The following UGT1A5 variants were observed in gnomAD, a reference collection of about 807,000 sequenced individuals.
UGT1A5 encodes UDP-glucuronosyltransferase 1A5.
In UGT1A5, 29 loss-of-function variants were observed where a neutral mutation model predicts 40.3. The ratio of observed to expected loss-of-function variants is 0.72; its 90% confidence interval spans 0.54 to 0.98. UGT1A5 has a LOEUF of 0.98. Ranked by LOEUF, UGT1A5 falls within the 50% of genes least tolerant of loss-of-function variation. The pLI, the probability that UGT1A5 is intolerant of heterozygous loss-of-function variation, is 0.00. For missense variants in UGT1A5, 678 were observed against 677.9 expected, an observed-to-expected ratio of 1.00 and a Z score of 0.00; for synonymous variants, 257 against 262.5, an observed-to-expected ratio of 0.98 and a Z score of 0.20.
chr2:233,724,361 G>C (rs2077237961), intron 1 of UGT1A5, among the ~76,000 whole-genome samples: 2 of 148,044 alleles, frequency 1.4e-5, no homozygotes, highest in African/African-American at 2.5e-5. Context: ...CTCCCTCCCG[G>C]ACGGGGTGGC....
At chr2:233,725,887 G>A (rs1228393532) in intron 1 of UGT1A5, among the ~76,000 whole-genome samples, 1 of 152,022 alleles carries the variant, frequency 6.6e-6, no homozygotes, top group Non-Finnish European at 1.5e-5. Context: ...TGATTTGTAG[G>A]CAGGTGGGTG....
intron 1 of UGT1A5, 82 bp downstream of exon 1, chr2:233,713,940 A>G (rs2076357605): frequency 6.2e-7 from 1 of 1,610,192 alleles, no homozygotes; most frequent in African/African-American, 1.3e-5. Context: ...GTGCTTCCAT[A>G]TCTACTTATC....
At chr2:233,758,568 A>G (rs1462095231) in intron 1 of UGT1A5, among the ~76,000 whole-genome samples, 1 of 152,230 alleles carries the variant, frequency 6.6e-6, no homozygotes, top group Non-Finnish European at 1.5e-5. Context: ...TTGGTCCTAA[A>G]AAATGAAGAG....
Position 233,713,149 on chromosome 2 carries a change from C to T in UGT1A5, c.158C>T (p.Ala53Val), listed in dbSNP as rs777655753. Residue 53 changes from alanine to valine, a missense_variant, in exon 1 of 5, where the codon GCG (alanine) becomes GTG (valine). Ala to Val is a moderately conservative substitution (Grantham distance 64). Coordinates refer to ENST00000373414, the MANE Select transcript of UGT1A5 (RefSeq NM_019078.2). Reference sequence around the variant, plus strand: ...CGGGAGGCCTTGCGGGACCTCCATGCGAGAGGCCACCAGGTGGTGGTCCTC... The same window carrying T: ...CGGGAGGCCTTGCGGGACCTCCATGTGAGAGGCCACCAGGTGGTGGTCCTC... Reference protein sequence around the residue: ...SMREALRDLHARGHQVVVLTL... With the variant: ...SMREALRDLHVRGHQVVVLTL... The T allele has an allele frequency of 3.7e-6, 6 of 1,614,056 alleles. No individual in the cohort carries two copies. Among genetic ancestry groups the T allele is most frequent in the Admixed American group, 3.3e-5 (2 of 60,008 alleles).
intron 1 of UGT1A5, among the ~76,000 whole-genome samples, chr2:233,751,671 A>C (rs1207862608): frequency 1.3e-5 from 2 of 152,074 alleles, no homozygotes; most frequent in Non-Finnish European, 2.9e-5. Context: ...GTGAGTTCTA[A>C]TGAGAGCTGA....
At chr2:233,735,547 G>A (rs571609142) in intron 1 of UGT1A5, among the ~76,000 whole-genome samples, 2 of 152,250 alleles carry the variant, frequency 1.3e-5, no homozygotes, top group South Asian at 4.1e-4. Flanking sequence ...ATTTGATCCT[G>A]TCATTATGGT....
At position 233,772,525 on chromosome 2, in the gene UGT1A5, G is replaced by T; in HGVS notation, c.1571G>T (p.Arg524Leu). The change falls in exon 5 of 5, where the codon CGA becomes CTA. Residue 524 changes from arginine (R) to leucine (L), a missense_variant. Arg to Leu is a moderately radical substitution (Grantham distance 102). Transcript: ENST00000373414. ...CGGAAATGCTTGGGGAAAAAAGGGCGAGTTAAGAAAGCCCACAAATCCAAG... is the reference window on the plus strand; with the variant it reads ...CGGAAATGCTTGGGGAAAAAAGGGCTAGTTAAGAAAGCCCACAAATCCAAG... ...GYRKCLGKKGRVKKAHKSKTH is the reference protein window; with the variant it reads ...GYRKCLGKKGLVKKAHKSKTH 6.2e-6 allele frequency: 10 copies of T among 1,614,136 alleles called. No individual in the cohort carries two copies. The highest frequency in any genetic ancestry group is 8.5e-6 in the Non-Finnish European group (10 of 1,180,024).
At chr2:233,755,333 G>T (rs878855763) in intron 1 of UGT1A5, 4 of 455,148 alleles carry the variant, frequency 8.8e-6, no homozygotes, top group Admixed American at 7.1e-5. Context: ...CAGCACCCGC[G>T]CACAGGTCAG....
rs1406341020 is a variant in UGT1A5 at position 233,713,872 on chromosome 2, C to A, written c.867+14C>A. On this transcript the variant is annotated intron_variant, in intron 1 of 4. Transcript: ENST00000373414. ...CCACTATCTCAGGTCTGTATTGGTGCCTTTATCCAATCAATGTTCCAGGCA... is the reference window on the plus strand; with the variant it reads ...CCACTATCTCAGGTCTGTATTGGTGACTTTATCCAATCAATGTTCCAGGCA... The A allele has an allele frequency of 3.1e-6, 5 of 1,613,636 alleles. No homozygotes were observed. The highest frequency in any genetic ancestry group is 1.7e-4 in the Middle Eastern group (1 of 5,844).
At chr2:233,765,606 C>G (rs4663971) in intron 1 of UGT1A5, among the ~76,000 whole-genome samples, 75,263 of 151,312 alleles carry the variant, frequency 0.5, 19,319 homozygotes, top group African/African-American at 0.62. Context: ...GGGCTTGTGG[C>G]GGGGTGAGGG....
intron 1 of UGT1A5, chr2:233,760,742 C>A (rs760143782): frequency 6.2e-7 from 1 of 1,614,166 alleles, no homozygotes; most frequent in Non-Finnish European, 8.5e-7. Flanking sequence ...CTGACGGACC[C>A]TTTCCTTCCT....
At chr2:233,720,590 G>A (rs1172062832) in intron 1 of UGT1A5, among the ~76,000 whole-genome samples, 2 of 152,014 alleles carry the variant, frequency 1.3e-5, no homozygotes, top group Non-Finnish European at 2.9e-5. Context: ...AATTTCAGAG[G>A]TGACTTTCAT....
chr2:233,724,971 C>T (rs1371769482), intron 1 of UGT1A5, among the ~76,000 whole-genome samples: 9 of 135,368 alleles, frequency 6.6e-5, no homozygotes, highest in African/African-American at 2.7e-4. Context: ...CCGAGGTTGG[C>T]GGATCACTCG....
intron 1 of UGT1A5, 98 bp from the exon 2 acceptor site, chr2:233,766,936 A>G: frequency 1.1e-5 from 18 of 1,586,086 alleles, no homozygotes; most frequent in Non-Finnish European, 1.5e-5. Context: ...GCCTTTAATC[A>G]TAGTCTTAAG....
At position 233,739,624 on chromosome 2, in the gene UGT1A5, T is replaced by A. The variant is rs572450028; in HGVS notation, c.867+25766T>A. On this transcript the variant is annotated intron_variant, in intron 1 of 4. Transcript: ENST00000373414. ...TTTGTTTTGGCCAGTTTCTCCCATT[T>A]GAAATGGGAACATTTACCCAATTTC... is the stretch of plus-strand genomic sequence containing the variant. 4.6e-5 allele frequency among the ~76,000 whole-genome samples: 7 copies of A among 152,364 alleles called. No individual in the cohort carries two copies. The East Asian group carries it at 1.2e-3, about 25-fold the overall frequency.
At chr2:233,718,944 C>A (rs553189135) in intron 1 of UGT1A5, 3 of 1,614,178 alleles carry the variant, frequency 1.9e-6, no homozygotes, top group East Asian at 2.2e-5. Context: ...CAGCCCCTGG[C>A]TCAGCATGCG....
At chr2:233,749,443 T>C (rs551988322) in intron 1 of UGT1A5, among the ~76,000 whole-genome samples, 4 of 151,902 alleles carry the variant, frequency 2.6e-5, no homozygotes, top group Non-Finnish European at 5.9e-5. Flanking sequence ...GTCATCTCAG[T>C]GGAGCAGAAC....
At chr2:233,737,335 G>C (rs558771820) in intron 1 of UGT1A5, among the ~76,000 whole-genome samples, 1 of 152,354 alleles carries the variant, frequency 6.6e-6, no homozygotes, top group African/African-American at 2.4e-5. Context: ...CAGTGAGCAA[G>C]GCTCCGTGGG....
In UGT1A5 at chr2:233,746,980, G is replaced by A. The variant is rs1162758884; in HGVS notation, c.868-20054G>A. On this transcript the variant is annotated intron_variant, in intron 1 of 4. Transcript: ENST00000373414. Reference sequence around the variant, plus strand: ...AACTTGGATGTTCCCCAGAGCGAGCGCAGGGTCAGATGAGTTTTTCAAGTA... The same window carrying A: ...AACTTGGATGTTCCCCAGAGCGAGCACAGGGTCAGATGAGTTTTTCAAGTA... Among the ~76,000 whole-genome samples, 6 of 151,766 alleles carry A rather than the reference G, an allele frequency of 4.0e-5. 1 individual carries two copies. Among genetic ancestry groups the A allele is most frequent in the African/African-American group, 1.2e-4 (5 of 41,068 alleles).
Sources: allele counts gnomAD v4.1 joint callset (sites outside exome capture counted in the v4.1 genomes callset), GRCh38; gene constraint gnomAD v4.1.1; transcripts MANE v1.5; gene names NCBI Gene and HGNC (gene_info 2026-07-23, HGNC 2026-07-21).